The following CYBC1 variants were observed in gnomAD, a reference collection of about 807,000 sequenced individuals.
CYBC1 encodes essential for reactive oxygen species protein.
CYBC1 carries 22 observed loss-of-function variants against 21.7 expected under a neutral mutation model. The observed-to-expected ratio is 1.02, with a 90% CI of 0.73 to 1.45. The LOEUF is 1.45. CYBC1 is among the 40% of genes most tolerant of loss of function. The pLI, the probability that CYBC1 is intolerant of heterozygous loss-of-function variation, is 0.00. For missense variants in CYBC1, 237 were observed against 242.1 expected (o/e 0.98, Z 0.14); for synonymous variants, 112 against 98.7 (o/e 1.13, Z -0.80).
At chr17:82,449,341 G>A (rs1242299979) in intron 1 of CYBC1, 49 bp from the exon 2 acceptor site, 1 of 1,071,088 alleles carries the variant, frequency 9.3e-7, no homozygotes, top group Non-Finnish European at 1.3e-6. Flanking sequence ...ACACAGGCAG[G>A]CGCCCACGCC....
At position 82,442,965 on chromosome 17, in the gene CYBC1, C is replaced by T. The variant is rs1047226856; in HGVS notation, c.*1039G>A. 7 of 217,126 alleles carry T rather than the reference C, an allele frequency of 3.2e-5. No individual in the cohort carries two copies. Among genetic ancestry groups the T allele is most frequent in the East Asian group, 1.1e-4 (1 of 9,436 alleles). 13.4% of individuals were successfully genotyped at this position (217,126 alleles called of 1,614,324 possible). A position where few individuals can be genotyped will look rare whatever the true frequency, so the allele number is the denominator to read the frequency against. ...CAGGATGGTTGGCGTTCAGCTCCTA[C>T]GGGGTGGGGAGAAGTCTGTAGCCGA... On this transcript the variant is annotated 3_prime_UTR_variant, in exon 7 of 7. Coordinates refer to ENST00000306645, the MANE Select transcript of CYBC1 (RefSeq NM_001033046.4). The surrounding 1 kb of genome is among the most constrained non-coding windows in gnomAD (Gnocchi z 6.8).
Position 82,449,115 on chromosome 17 carries a change from T to C in CYBC1, c.85+55A>G, listed in dbSNP as rs932297252. The C allele has an allele frequency of 3.0e-6, 4 of 1,333,766 alleles. No homozygotes were observed. The African/African-American group carries it at 4.5e-5, about 15-fold the overall frequency. 82.6% of individuals were successfully genotyped at this position (1,333,766 alleles called of 1,614,324 possible). ...ATATTTTGTTTCATTTTCATCCTTT[T>C]TGAAAGTCAGGCTTCCGGTTCTGGG... On this transcript the variant is annotated intron_variant, in intron 2 of 6. Coordinates refer to ENST00000306645, the MANE Select transcript of CYBC1 (RefSeq NM_001033046.4).
At chr17:82,446,069 T>G in intron 4 of CYBC1, 109 bp from the exon 5 acceptor site, 2 of 837,820 alleles carry the variant, frequency 2.4e-6, no homozygotes, top group Non-Finnish European at 3.9e-6. Context: ...GAAGGGGGGC[T>G]GGGGACCCTC....
chr17:82,449,627 C>T (rs769055360), intron 1 of CYBC1: 5 of 227,158 alleles, frequency 2.2e-5, no homozygotes, highest in Non-Finnish European at 4.2e-5. Flanking sequence ...CCCCCAGCAG[C>T]CTTTAAGCTT....
chr17:82,448,897 A>C, intron 2 of CYBC1: 1 of 455,530 alleles, frequency 2.2e-6, no homozygotes, highest in South Asian at 2.7e-5. Flanking sequence ...ACGTGGTTCA[A>C]AACAAGTACA....
chr17:82,447,480 G>C, intron 3 of CYBC1, 100 bp downstream of exon 3: 1 of 883,146 alleles, frequency 1.1e-6, no homozygotes, highest in Non-Finnish European at 1.7e-6. Context: ...GATCCTAAAG[G>C]CCGCCCCATG....
chr17:82,443,972 G>A lies in CYBC1; in HGVS notation c.*32C>T. On this transcript the variant is annotated 3_prime_UTR_variant, in exon 7 of 7. Transcript: ENST00000306645. This position sits in a 1 kb window ranked among gnomAD's most constrained non-coding sequence, Gnocchi z 6.7. ...CCGGGAATGTGCCATGGGTCCTGTG[G>A]GCGGTGCACGGGCTCAGGCACAGTG... The A allele has an allele frequency of 6.2e-7, 1 of 1,608,584 alleles. No individual in the cohort carries two copies. The highest frequency in any genetic ancestry group is 8.5e-7 in the Non-Finnish European group (1 of 1,179,974).
Position 82,447,012 on chromosome 17 carries a change from A to G in CYBC1, c.128-316T>C. On this transcript the variant is annotated intron_variant, in intron 3 of 6. Coordinates refer to ENST00000306645, the MANE Select transcript of CYBC1 (RefSeq NM_001033046.4). Reference sequence around the variant, plus strand: ...CACAGCTGGATCTTAGATCCTCAAGAGCATCTCTCCGGGAATATTTGATGA... The same window carrying G: ...CACAGCTGGATCTTAGATCCTCAAGGGCATCTCTCCGGGAATATTTGATGA... The G allele has an allele frequency of 1.3e-5, 6 of 456,890 alleles. No individual in the cohort carries two copies. The South Asian group carries it at 1.3e-4, about 10-fold the overall frequency. The allele number at this position is 456,890 out of a possible 1,614,324, so 28.3% of individuals were successfully genotyped here. A position where few individuals can be genotyped will look rare whatever the true frequency, so the allele number is the denominator to read the frequency against.
intron 5 of CYBC1, 31 bp from the exon 6 acceptor site, chr17:82,444,622 C>A: frequency 6.4e-7 from 1 of 1,570,008 alleles, no homozygotes; most frequent in Non-Finnish European, 8.7e-7. Context: ...GCCGAGCCAT[C>A]CCCGCCCACA....
In CYBC1 at chr17:82,444,471, T is replaced by C. The variant is rs765856193; in HGVS notation, c.419A>G (p.Gln140Arg). The change falls in exon 6 of 7, where the codon CAG (glutamine) becomes CGG (arginine). Residue 140 changes from glutamine (Q) to arginine (R), a missense_variant. Transcript: ENST00000306645. ...CCTGCGGTGGCCCATGACTGCACTCTGCGTGAGGGGGTGGGAGAAGCCCGT... is the reference window on the plus strand; with the variant it reads ...CCTGCGGTGGCCCATGACTGCACTCCGCGTGAGGGGGTGGGAGAAGCCCGT... ...LATGFSHPLT[Q>R]SAVMGHRSDV... 1 of 1,613,072 alleles carries C rather than the reference T, an allele frequency of 6.2e-7. No homozygotes were observed. Among genetic ancestry groups the C allele is most frequent in the Admixed American group, 1.7e-5 (1 of 59,988 alleles).
rs549317306 is a variant in CYBC1, at chr17:82,442,836, G to C, written c.*1168C>G. ...GCCGCCTAGGGGCTCACAGGGCCCA[G>C]GAGTCCCCAGCTCACAGGCCAGGGC... On this transcript the variant is annotated 3_prime_UTR_variant, in exon 7 of 7. Transcript: ENST00000306645. This position sits in a 1 kb window ranked among gnomAD's most constrained non-coding sequence, Gnocchi z 6.8. 8.5e-6 allele frequency: 4 copies of C among 472,044 alleles called. No homozygotes were observed. Among genetic ancestry groups the C allele is most frequent in the South Asian group, 6.8e-5 (2 of 29,468 alleles). 29.2% of individuals were successfully genotyped at this position (472,044 alleles called of 1,614,324 possible). A position where few individuals can be genotyped will look rare whatever the true frequency, so the allele number is the denominator to read the frequency against.
Position 82,447,559 on chromosome 17 carries a change from GTGGGGC to G in CYBC1, c.127+15_127+20del. The G allele has an allele frequency of 6.3e-7, 1 of 1,579,646 alleles. No homozygotes were observed. Among genetic ancestry groups the G allele is most frequent in the Non-Finnish European group, 8.6e-7 (1 of 1,158,982 alleles). On this transcript the variant is annotated intron_variant, in intron 3 of 6. Transcript: ENST00000306645. ...AAACAGCTGAGACAGTCATGGGGGG[GTGGGGC>G]GGGGGGTGCTTTACCTCCGCTGTAG...
chr17:82,447,546 C>T, intron 3 of CYBC1, 34 bp downstream of exon 3: 1 of 1,497,634 alleles, frequency 6.7e-7, no homozygotes, highest in Non-Finnish European at 9.1e-7. Flanking sequence ...ACAGCTGAGA[C>T]AGTCATGGGG....
intron 1 of CYBC1, 138 bp from the exon 2 acceptor site, chr17:82,449,430 C>T (rs2054469730): frequency 2.1e-6 from 1 of 472,834 alleles, no homozygotes; most frequent in Non-Finnish European, 3.7e-6. Flanking sequence ...GCCAGTCTCA[C>T]CTGGTCTCTG....
rs1286364263 is a variant in CYBC1, at chr17:82,449,179, G to A, written c.76C>T (p.Leu26=). The stretch of plus-strand genomic sequence containing the variant: ...ACGTGGAGAGCCTTACCAACCAGCA[G>A]GGACCAGGACCGGATGCCTGGAGCC... ...KRAPGIRSWS[L]LVGILSIGLA... The change falls in exon 2 of 7, where the codon CTG becomes TTG. Residue 26 remains leucine (L), a synonymous_variant. Coordinates refer to ENST00000306645, the MANE Select transcript of CYBC1 (RefSeq NM_001033046.4). 1 of 1,574,530 alleles carries A rather than the reference G, an allele frequency of 6.4e-7. No homozygotes were observed. The highest frequency in any genetic ancestry group is 1.9e-5 in the Admixed American group (1 of 52,202).
chr17:82,447,687 G>A (rs893713033), intron 2 of CYBC1, 66 bp from the exon 3 acceptor site: 5 of 1,422,948 alleles, frequency 3.5e-6, no homozygotes, highest in Admixed American at 2.0e-5. Context: ...GGTGCAGCGG[G>A]ACCAGGAGCC....
chr17:82,446,361 T>C lies in CYBC1; in HGVS notation c.201+262A>G, dbSNP rs140227293. ...GACTCGCATCCCATTGTGGCAACTC[T>C]GGGAAGAAAGCACTTTGGTGAAGAT... is the stretch of plus-strand genomic sequence containing the variant. On this transcript the variant is annotated intron_variant, in intron 4 of 6. Transcript: ENST00000306645. Among the ~76,000 whole-genome samples the C allele has an allele frequency of 6.9e-3, 1,050 of 152,290 alleles. 15 individuals carry two copies. The highest frequency in any genetic ancestry group is 0.024 in the African/African-American group (985 of 41,558).
chr17:82,444,040 G>A lies in CYBC1; in HGVS notation c.528C>T (p.Ser176=), dbSNP rs750988869. The A allele has an allele frequency of 9.9e-6, 16 of 1,613,314 alleles. No homozygotes were observed. Among genetic ancestry groups the A allele is most frequent in the African/African-American group, 2.7e-5 (2 of 74,910 alleles). ...LESPTELSQS[S]DSEAGDPASQ... is the part of the protein sequence containing the mutation. ...TTGCAGGGTCACCGGCCTCACTGTC[G>A]CTGCTCTGAGACAGCTCTGTGGGGC... is the stretch of plus-strand genomic sequence containing the variant. Residue 176 remains serine, a synonymous_variant, in exon 7 of 7, where the codon AGC becomes AGT. Transcript: ENST00000306645.
intron 6 of CYBC1, 55 bp downstream of exon 6, chr17:82,444,392 G>A (rs1011761767): frequency 8.3e-6 from 13 of 1,560,562 alleles, no homozygotes; most frequent in East Asian, 2.3e-5. Context: ...AGTCAGGAAC[G>A]GGAGTGACCT....
Sources: allele counts gnomAD v4.1 joint callset (sites outside exome capture counted in the v4.1 genomes callset), GRCh38; gene constraint gnomAD v4.1.1; non-coding constraint Gnocchi (gnomAD v3.1); transcripts MANE v1.5; gene names NCBI Gene and HGNC (gene_info 2026-07-23, HGNC 2026-07-21).